Variants in HEATR5B observed in about 807,000 individuals in gnomAD.
HEATR5B encodes the protein HEAT repeat-containing protein 5B.
A neutral mutation model predicts 224.1 loss-of-function variants in HEATR5B; 156 were observed. The observed-to-expected ratio is 0.70, with a 90% CI of 0.61 to 0.80. HEATR5B has a LOEUF of 0.80. HEATR5B is among the 30% of genes least tolerant of loss of function. The pLI, the probability that HEATR5B is intolerant of heterozygous loss-of-function variation, is 0.00. For missense variants in HEATR5B, 2,323 were observed against 2,535.5 expected, an observed-to-expected ratio of 0.92 and a Z score of 1.80; for synonymous variants, 1,027 against 893.0, an observed-to-expected ratio of 1.15 and a Z score of -2.68.
intron 18 of HEATR5B, 33 bp from the exon 19 acceptor site, chr2:37,041,325 T>G (rs772131776): frequency 4.4e-6 from 7 of 1,606,190 alleles, no homozygotes; most frequent in Non-Finnish European, 6.0e-6. Flanking sequence ...AGCACTAACT[T>G]TGCTATTTCC....
intron 21 of HEATR5B, among the ~76,000 whole-genome samples, chr2:37,035,515 T>A (rs1333007813): frequency 1.3e-5 from 2 of 152,150 alleles, no homozygotes; most frequent in Non-Finnish European, 2.9e-5. Flanking sequence ...ATCTTCCAAC[T>A]TCATTGATCT....
At position 37,024,353 on chromosome 2, in the gene HEATR5B, AC is replaced by A. The variant is rs571333391; in HGVS notation, c.3854-3518del. On this transcript the variant is annotated intron_variant, in intron 24 of 35. Coordinates refer to ENST00000233099, the MANE Select transcript of HEATR5B (RefSeq NM_019024.3). The stretch of plus-strand genomic sequence containing the variant: ...CGGTGACTATACTTAATGACAATAC[AC>A]TGTATTCTTGAAAAATGCAAAGATG... Among the ~76,000 whole-genome samples, 21 of 152,330 alleles carry A rather than the reference AC, an allele frequency of 1.4e-4. No individual in the cohort carries two copies. The South Asian group carries it at 4.4e-3, about 32-fold the overall frequency.
chr2:37,035,272 T>A (rs544425967), intron 21 of HEATR5B, among the ~76,000 whole-genome samples: 51 of 152,348 alleles, frequency 3.3e-4, no homozygotes, highest in African/African-American at 1.1e-3. Context: ...ATATTAGAGT[T>A]GTAAAGTACA....
intron 21 of HEATR5B, among the ~76,000 whole-genome samples, chr2:37,036,232 T>C (rs750829881): frequency 1.1e-4 from 16 of 152,208 alleles, no homozygotes; most frequent in African/African-American, 2.7e-4. Context: ...CCACTGCTTG[T>C]AGAATAAAGT....
intron 18 of HEATR5B, among the ~76,000 whole-genome samples, chr2:37,047,298 T>C (rs906427398): frequency 6.6e-6 from 1 of 152,208 alleles, no homozygotes; most frequent in Non-Finnish European, 1.5e-5. Context: ...AAGCCTCCAT[T>C]TCTCTAAGTG....
At chr2:37,060,269 C>CT (rs963609091) in intron 12 of HEATR5B, among the ~76,000 whole-genome samples, 2 of 151,602 alleles carry the variant, frequency 1.3e-5, no homozygotes, top group East Asian at 1.9e-4. Flanking sequence ...GGTATTTTTT[C>CT]TTTTTTTTAT....
rs762060196 is a variant in HEATR5B at position 37,000,677 on chromosome 2, A to G, written c.5454T>C (p.Leu1818=). ...ALQGIKSIVT[L]SMAKTEAGVQ... ...CGCCAGCCTCAGTTTTGGCCATTGAAAGTGTCACAATACTTTTAATCCCTT... is the reference window on the plus strand; with the variant it reads ...CGCCAGCCTCAGTTTTGGCCATTGAGAGTGTCACAATACTTTTAATCCCTT... Residue 1818 remains leucine (L), a synonymous_variant, in exon 33 of 36, where the codon CTT becomes CTC. Coordinates refer to ENST00000233099, the MANE Select transcript of HEATR5B (RefSeq NM_019024.3). 1.2e-6 allele frequency: 2 copies of G among 1,614,152 alleles called. No homozygotes were observed. Among genetic ancestry groups the G allele is most frequent in the Admixed American group, 1.7e-5 (1 of 60,004 alleles).
At chr2:37,029,426 G>C (rs1572843058) in intron 22 of HEATR5B, among the ~76,000 whole-genome samples, 1 of 152,362 alleles carries the variant, frequency 6.6e-6, no homozygotes, top group East Asian at 1.9e-4. Flanking sequence ...CACTTTGGGA[G>C]GCTGAGGCAG....
chr2:37,050,227 T>C (rs115588951), intron 17 of HEATR5B, among the ~76,000 whole-genome samples: 1,743 of 152,280 alleles, frequency 0.011, 20 homozygotes, highest in Middle Eastern at 0.017. Flanking sequence ...CTGCAATCTT[T>C]CTAAAATATA....
intron 18 of HEATR5B, among the ~76,000 whole-genome samples, chr2:37,043,924 T>G (rs1286418214): frequency 6.6e-6 from 1 of 152,230 alleles, no homozygotes; most frequent in African/African-American, 2.4e-5. Flanking sequence ...TTATTTTTTT[T>G]AAATAGAAAT....
At chr2:37,051,950 G>C (rs1427675614) in intron 17 of HEATR5B, among the ~76,000 whole-genome samples, 3 of 151,966 alleles carry the variant, frequency 2.0e-5, no homozygotes, top group African/African-American at 7.2e-5. Flanking sequence ...ATGTTGGCCA[G>C]GCTGGTCTCA....
chr2:37,074,554 T>C (rs555350145), intron 5 of HEATR5B, among the ~76,000 whole-genome samples: 3 of 152,258 alleles, frequency 2.0e-5, no homozygotes, highest in Admixed American at 1.3e-4. Context: ...GAAAAATTGA[T>C]ACACTGGATG....
At chr2:37,052,798 C>G (rs1472676068) in intron 17 of HEATR5B, among the ~76,000 whole-genome samples, 2 of 152,224 alleles carry the variant, frequency 1.3e-5, no homozygotes, top group African/African-American at 2.4e-5. Context: ...TGTGGAATCA[C>G]TGGACAAAGA....
rs183898719 is a variant in HEATR5B at position 36,994,783 on chromosome 2, G to A, written c.5546-3984C>T. 6.1e-3 allele frequency among the ~76,000 whole-genome samples: 930 copies of A among 152,066 alleles called. 2 individuals are homozygous for A. Among genetic ancestry groups the A allele is most frequent in the Non-Finnish European group, 0.01 (688 of 67,970 alleles). ...TATTTATTTTTTGAGACAGAGTGTC[G>A]CTCTGTCGTCCAGGCTGGAGTGCAG... is the stretch of plus-strand genomic sequence containing the variant. On this transcript the variant is annotated intron_variant, in intron 33 of 35. Transcript: ENST00000233099.
rs562583869 is a variant in HEATR5B at position 36,992,739 on chromosome 2, A to T, written c.5546-1940T>A. ...ATTTTATATTCATTTTTTAAAAATT[A>T]TTTTTTTTTCTTTTTTCCCCCCAAG... On this transcript the variant is annotated intron_variant, in intron 33 of 35. Coordinates refer to ENST00000233099, the MANE Select transcript of HEATR5B (RefSeq NM_019024.3). Among the ~76,000 whole-genome samples the T allele has an allele frequency of 9.2e-5, 14 of 151,588 alleles. No homozygotes were observed. In the East Asian group the frequency reaches 2.3e-3, roughly 25 times the overall value.
chr2:37,001,122 A>C (rs1295908278), intron 32 of HEATR5B, among the ~76,000 whole-genome samples: 1 of 152,234 alleles, frequency 6.6e-6, no homozygotes, highest in East Asian at 1.9e-4. Context: ...AAAGGAAGAC[A>C]GAAAAACAGG....
intron 8 of HEATR5B, among the ~76,000 whole-genome samples, chr2:37,068,348 A>G (rs1671709554): frequency 6.6e-6 from 1 of 152,222 alleles, no homozygotes; most frequent in African/African-American, 2.4e-5. Context: ...TATGTTTATA[A>G]AACAACAGGC....
At chr2:37,063,066 T>C (rs140894398) in intron 10 of HEATR5B, among the ~76,000 whole-genome samples, 10 of 152,264 alleles carry the variant, frequency 6.6e-5, no homozygotes, top group African/African-American at 1.9e-4. Flanking sequence ...TCCCTAGGCA[T>C]TGGGATTACA....
intron 18 of HEATR5B, among the ~76,000 whole-genome samples, chr2:37,046,619 G>A (rs1225231234): frequency 7.8e-5 from 11 of 141,752 alleles, no homozygotes; most frequent in African/African-American, 2.6e-4. Flanking sequence ...AGCCTGGGCA[G>A]CAACAGGGAA....
Sources: gnomAD v4.1 joint callset for allele counts (sites outside exome capture counted in the v4.1 genomes callset) on GRCh38, gnomAD v4.1.1 for gene constraint, MANE v1.5 for transcripts, NCBI Gene and HGNC (gene_info 2026-07-23, HGNC 2026-07-21) for gene names.